The following NBEAL1 variants were observed in gnomAD, a reference collection of about 807,000 sequenced individuals.
NBEAL1 encodes neurobeachin like 1.
Under a neutral mutation model 351.3 loss-of-function variants are expected in NBEAL1, and 273 were observed. That is an observed-to-expected ratio of 0.78 (90% CI 0.70 to 0.86). The LOEUF (loss-of-function observed/expected upper bound fraction) is 0.86, where lower values mean the gene tolerates loss of function less well. NBEAL1 is among the 40% of genes least tolerant of loss of function. NBEAL1 has a pLI of 0.00. For missense variants in NBEAL1, 2,961 were observed against 3,201.3 expected (o/e 0.92, Z 1.81); for synonymous variants, 1,050 against 1,086.4 (o/e 0.97, Z 0.66).
At chr2:203,140,947 C>T (rs1030478752) in intron 31 of NBEAL1, among the ~76,000 whole-genome samples, 1 of 151,976 alleles carries the variant, frequency 6.6e-6, no homozygotes, top group Non-Finnish European at 1.5e-5. Context: ...CCACTGTAGT[C>T]CAGCCTGGGC....
At chr2:203,135,207 C>T (rs182005422) in intron 27 of NBEAL1, among the ~76,000 whole-genome samples, 5 of 150,824 alleles carry the variant, frequency 3.3e-5, no homozygotes, top group Non-Finnish European at 7.4e-5. Flanking sequence ...CTGAAAAAAA[C>T]GAGACAGAAA....
At chr2:203,163,502 T>C (rs988442857) in intron 36 of NBEAL1, among the ~76,000 whole-genome samples, 1 of 152,184 alleles carries the variant, frequency 6.6e-6, no homozygotes, top group Non-Finnish European at 1.5e-5. Flanking sequence ...ACCTGTGTTA[T>C]AACCCTCACC....
intron 18 of NBEAL1, among the ~76,000 whole-genome samples, chr2:203,116,789 C>CAA (rs34559564): frequency 0.014 from 1,389 of 100,380 alleles, 40 homozygotes; most frequent in Admixed American, 0.068. Context: ...GACCCTGTCT[C>CAA]AAAAAAAAAA....
chr2:203,122,380 A>G (rs1324124378), intron 19 of NBEAL1, 37 bp downstream of exon 19: 2 of 1,235,240 alleles, frequency 1.6e-6, no homozygotes, highest in African/African-American at 3.0e-5. Context: ...CATCTTACAT[A>G]ATTTACTGAT....
intron 2 of NBEAL1, among the ~76,000 whole-genome samples, chr2:203,036,680 TAATA>T (rs1431966327): frequency 1.3e-5 from 2 of 149,256 alleles, no homozygotes; most frequent in African/African-American, 4.9e-5. Context: ...CTTTACTTCT[TAATA>T]AATGAAACAC....
At chr2:203,187,945 C>T (rs2064957864) in intron 44 of NBEAL1, among the ~76,000 whole-genome samples, 1 of 152,140 alleles carries the variant, frequency 6.6e-6, no homozygotes, top group Non-Finnish European at 1.5e-5. Context: ...ACAATTTCCT[C>T]ACTGTCTTTC....
intron 6 of NBEAL1, among the ~76,000 whole-genome samples, chr2:203,060,767 A>G (rs1331476645): frequency 6.6e-6 from 1 of 152,204 alleles, no homozygotes; most frequent in African/African-American, 2.4e-5. Context: ...GTGAGCATTA[A>G]TTTACATCAG....
intron 7 of NBEAL1, among the ~76,000 whole-genome samples, chr2:203,076,255 G>A (rs1461471315): frequency 2.0e-5 from 3 of 152,062 alleles, no homozygotes; most frequent in African/African-American, 7.2e-5. Context: ...GGCTGAGGTG[G>A]GCAGATCACC....
intron 51 of NBEAL1, among the ~76,000 whole-genome samples, chr2:203,204,542 T>C (rs973892783): frequency 4.0e-5 from 6 of 151,894 alleles, no homozygotes; most frequent in Admixed American, 2.6e-4. Flanking sequence ...TCTGCCATGT[T>C]ACCCAGGCTG....
intron 10 of NBEAL1, among the ~76,000 whole-genome samples, chr2:203,091,063 C>T (rs2062055637): frequency 6.6e-6 from 1 of 152,126 alleles, no homozygotes; most frequent in Non-Finnish European, 1.5e-5. Context: ...AATACATTTA[C>T]ATTATTGTGC....
At chr2:203,198,774 G>T (rs1397726041) in intron 48 of NBEAL1, among the ~76,000 whole-genome samples, 1 of 150,940 alleles carries the variant, frequency 6.6e-6, no homozygotes, top group East Asian at 2.0e-4. Context: ...GAGGTCAGAG[G>T]ATTGCTTGCG....
chr2:203,111,151 G>A (rs1531886), intron 15 of NBEAL1, among the ~76,000 whole-genome samples: 45,389 of 151,690 alleles, frequency 0.3, 7,388 homozygotes, highest in East Asian at 0.61. Flanking sequence ...ACCAGCCTGG[G>A]GTGAGACTCT....
intron 33 of NBEAL1, 52 bp downstream of exon 33, chr2:203,145,212 T>G: frequency 6.6e-7 from 1 of 1,521,180 alleles, no homozygotes; most frequent in Non-Finnish European, 8.9e-7. Flanking sequence ...TTTAGGCATT[T>G]AATATTGATT....
intron 36 of NBEAL1, among the ~76,000 whole-genome samples, chr2:203,162,950 T>C (rs950994390): frequency 2.0e-5 from 3 of 152,122 alleles, no homozygotes; most frequent in Non-Finnish European, 4.4e-5. Context: ...GGTCAGGAGT[T>C]TTGAGTCTGG....
intron 4 of NBEAL1, chr2:203,052,162 C>T (rs1456479142): frequency 6.6e-6 from 1 of 151,956 alleles, no homozygotes; most frequent in East Asian, 1.9e-4. Flanking sequence ...TTTTCCTACA[C>T]TAAAAATGGC....
intron 45 of NBEAL1, 133 bp from the exon 46 acceptor site, chr2:203,190,159 T>TACACACACACACACAC (rs71034227): frequency 2.9e-5 from 13 of 450,540 alleles, no homozygotes; most frequent in African/African-American, 2.2e-4. Flanking sequence ...AAGATGTGTG[T>TACACACACACACACAC]ACACACACAC....
intron 12 of NBEAL1, among the ~76,000 whole-genome samples, chr2:203,107,208 G>T (rs1487284244): frequency 4.6e-5 from 7 of 151,954 alleles, no homozygotes; most frequent in African/African-American, 7.3e-5. Context: ...TTGAATTTTG[G>T]TAGATAATTA....
chr2:203,109,240 C>G (rs1184194038), intron 14 of NBEAL1, among the ~76,000 whole-genome samples: 1 of 151,938 alleles, frequency 6.6e-6, no homozygotes, highest in Admixed American at 6.6e-5. Context: ...GCCTGTAATC[C>G]CAGCTACTTG....
At chr2:203,189,851 A>G (rs564557753) in intron 45 of NBEAL1, among the ~76,000 whole-genome samples, 78 of 151,642 alleles carry the variant, frequency 5.1e-4, no homozygotes, top group African/African-American at 1.7e-3. Flanking sequence ...AACTATACCA[A>G]TGAGGTCAGG....
Sources: allele counts gnomAD v4.1 joint callset (sites outside exome capture counted in the v4.1 genomes callset), GRCh38; gene constraint gnomAD v4.1.1; transcripts MANE v1.5; gene names NCBI Gene and HGNC (gene_info 2026-07-23, HGNC 2026-07-21).